The following COPZ1 variants were observed in gnomAD, a reference collection of about 807,000 sequenced individuals.
COPZ1 encodes the protein coat protein complex I subunit zeta 1.
COPZ1 carries 4 observed loss-of-function variants against 31.7 expected under a neutral mutation model. That is an observed-to-expected ratio of 0.13 (90% CI 0.06 to 0.29). COPZ1 has a LOEUF of 0.29. Among genes scored for constraint, COPZ1 ranks in the 10% least tolerant of loss-of-function variants. COPZ1 has a pLI of 1.00. For missense variants in COPZ1, 156 were observed against 211.5 expected, an observed-to-expected ratio of 0.74 and a Z score of 1.63; for synonymous variants, 74 against 79.0, an observed-to-expected ratio of 0.94 and a Z score of 0.33.
In COPZ1 at chr12:54,325,249, A is replaced by G. The variant is rs1024049153; in HGVS notation, c.18+68A>G. ...GGGCCGGGAGTCAGGGTTCAGCCCG[A>G]GTGGGAGACGGGGAAAGAGAGTTCC... On this transcript the variant is annotated intron_variant, in intron 1 of 8. Transcript: ENST00000262061. 5.9e-6 allele frequency: 9 copies of G among 1,522,366 alleles called. No homozygotes were observed. In the African/African-American group the frequency reaches 1.2e-4, roughly 21 times the overall value. 94.3% of individuals were successfully genotyped at this position (1,522,366 alleles called of 1,614,324 possible).
rs183877388 is a variant in COPZ1, at chr12:54,345,055, G to A, written c.262-405G>A. The A allele has an allele frequency of 6.8e-4, 113 of 165,418 alleles. 1 individual carries two copies. Among genetic ancestry groups the A allele is most frequent in the East Asian group, 3.4e-4 (2 of 5,860 alleles). 10.2% of individuals were successfully genotyped at this position (165,418 alleles called of 1,614,324 possible). On this transcript the variant is annotated intron_variant, in intron 4 of 8. Transcript: ENST00000262061. The stretch of plus-strand genomic sequence containing the variant: ...GTCAGAGTCTAGACAGGGTCTAGAC[G>A]TTACAGGTGTGACCCACTGTGCCCA...
At chr12:54,331,849 A>G (rs977239807) in intron 1 of COPZ1, among the ~76,000 whole-genome samples, 3 of 152,082 alleles carry the variant, frequency 2.0e-5, no homozygotes, top group Admixed American at 2.0e-4. Context: ...CTCCTGGATT[A>G]CCAAACTGAG....
At position 54,347,870 on chromosome 12, in the gene COPZ1, T is replaced by G. The variant is rs781265848; in HGVS notation, c.395+26T>G. 26 of 1,611,846 alleles carry G rather than the reference T, an allele frequency of 1.6e-5. No homozygotes were observed. The East Asian group carries it at 5.8e-4, about 36-fold the overall frequency. On this transcript the variant is annotated intron_variant, in intron 6 of 8. Transcript: ENST00000262061. ...GTAAGTTCTCTGACCTGCCTTGATC[T>G]TGGGTGAGGTGGCGGGATAACTGCC... is the stretch of plus-strand genomic sequence containing the variant.
chr12:54,344,259 T>C (rs776100731), intron 4 of COPZ1, among the ~76,000 whole-genome samples: 3 of 151,848 alleles, frequency 2.0e-5, no homozygotes, highest in Non-Finnish European at 4.4e-5. Flanking sequence ...GCGACCAGGC[T>C]GGCCAACATG....
Position 54,325,149 on chromosome 12 carries a change from C to G in COPZ1, c.-15C>G. 6.4e-7 allele frequency: 1 copy of G among 1,562,634 alleles called. No individual in the cohort carries two copies. The highest frequency in any genetic ancestry group is 8.7e-7 in the Non-Finnish European group (1 of 1,153,798). ...TTCTTTTGCGGCTCCACGTCGGCAC[C>G]AGCTGCGGGGCAAGATGGAGGCGCT... On this transcript the variant is annotated 5_prime_UTR_variant, in exon 1 of 9. Transcript: ENST00000262061.
intron 1 of COPZ1, among the ~76,000 whole-genome samples, chr12:54,338,874 C>T (rs192069215): frequency 7.9e-5 from 12 of 152,278 alleles, no homozygotes; most frequent in African/African-American, 2.4e-4. Flanking sequence ...CCTCTGCCCC[C>T]GCAAACAGGG....
chr12:54,350,704 A>C lies in COPZ1; in HGVS notation c.*181A>C. ...CCCTACACCCTTCCTATTCTTTTTC[A>C]TTCTTCTTGCAGTTCTGGGAGTAAA... On this transcript the variant is annotated 3_prime_UTR_variant, in exon 9 of 9. Transcript: ENST00000262061. The C allele has an allele frequency of 1.6e-6, 1 of 610,520 alleles. No individual in the cohort carries two copies. Among genetic ancestry groups the C allele is most frequent in the Non-Finnish European group, 3.0e-6 (1 of 338,320 alleles). 37.8% of individuals were successfully genotyped at this position (610,520 alleles called of 1,614,324 possible). A position where few individuals can be genotyped will look rare whatever the true frequency, so the allele number is the denominator to read the frequency against.
chr12:54,326,961 CTTTTTTTTTTTTTTTTTTTTT>C (rs60827109), intron 1 of COPZ1, among the ~76,000 whole-genome samples: 42 of 43,568 alleles, frequency 9.6e-4, no homozygotes, highest in African/African-American at 2.8e-3. Flanking sequence ...AACAAGTATT[CTTTTTTTTTTTTTTTTTTTTT>C]TTTTTTTTTT....
chr12:54,349,766 C>T, intron 8 of COPZ1, 108 bp downstream of exon 8: 1 of 942,508 alleles, frequency 1.1e-6, no homozygotes, highest in Non-Finnish European at 1.8e-6. Flanking sequence ...ACTCAAGACA[C>T]ATCTTCCTTG....
intron 1 of COPZ1, chr12:54,325,754 T>G (rs1311410701): frequency 6.5e-6 from 1 of 152,780 alleles, no homozygotes; most frequent in Non-Finnish European, 1.5e-5. Flanking sequence ...TGTGGAATAT[T>G]TTTTCTAGAC....
In COPZ1 at chr12:54,342,215, G is replaced by T; in HGVS notation, c.97G>T (p.Asp33Tyr). The T allele has an allele frequency of 6.2e-7, 1 of 1,613,352 alleles. No homozygotes were observed. Among genetic ancestry groups the T allele is most frequent in the Non-Finnish European group, 8.5e-7 (1 of 1,179,416 alleles). The change falls in exon 3 of 9, where the codon GAC (aspartate) becomes TAC (tyrosine). Residue 33 changes from aspartate to tyrosine, a missense_variant. Coordinates refer to ENST00000262061, the MANE Select transcript of COPZ1 (RefSeq NM_016057.3). The stretch of plus-strand genomic sequence containing the variant: ...CTTTCCCTCTGACCAGTACTATGAC[G>T]ACACCTACCCCAGTGTCAAGGAGCA... ...GDRLFAKYYD[D>Y]TYPSVKEQKA... is the part of the protein sequence containing the mutation.
intron 7 of COPZ1, 46 bp downstream of exon 7, chr12:54,348,097 C>G: frequency 1.3e-6 from 2 of 1,588,378 alleles, no homozygotes; most frequent in Admixed American, 1.7e-5. Flanking sequence ...TATTCACAAA[C>G]ACCCTCCAGA....
Position 54,345,454 on chromosome 12 carries a change from C to G in COPZ1, c.262-6C>G, listed in dbSNP as rs2137109815. On this transcript the variant is annotated splice_polypyrimidine_tract_variant and splice_region_variant and intron_variant, in intron 4 of 8. Coordinates refer to ENST00000262061, the MANE Select transcript of COPZ1 (RefSeq NM_016057.3). ...TTATCCTTCTGCCTCCTCTGTTTCCCAACAGCTGATGCTTATGGCTGTTCT... is the reference window on the plus strand; with the variant it reads ...TTATCCTTCTGCCTCCTCTGTTTCCGAACAGCTGATGCTTATGGCTGTTCT... 6.2e-7 allele frequency: 1 copy of G among 1,612,060 alleles called. No homozygotes were observed. The highest frequency in any genetic ancestry group is 8.5e-7 in the Non-Finnish European group (1 of 1,178,272).
At chr12:54,350,288 T>C (rs1323318151) in intron 8 of COPZ1, 188 bp from the exon 9 acceptor site, 1 of 749,596 alleles carries the variant, frequency 1.3e-6, no homozygotes, top group Non-Finnish European at 2.4e-6. Flanking sequence ...GTTTGAATTT[T>C]TTTGGAATTT....
At chr12:54,347,212 A>G (rs1954079224) in intron 5 of COPZ1, among the ~76,000 whole-genome samples, 1 of 152,226 alleles carries the variant, frequency 6.6e-6, no homozygotes, top group South Asian at 2.1e-4. Context: ...CAGATGTGAC[A>G]GGCCACATGC....
intron 2 of COPZ1, among the ~76,000 whole-genome samples, chr12:54,341,632 ATC>A (rs1953975239): frequency 2.6e-5 from 4 of 152,200 alleles, no homozygotes; most frequent in Non-Finnish European, 5.9e-5. Context: ...AGCAGCCTGC[ATC>A]TCCGCCCCCT....
At chr12:54,336,552 C>CT (rs1240935494) in intron 1 of COPZ1, among the ~76,000 whole-genome samples, 1 of 151,450 alleles carries the variant, frequency 6.6e-6, no homozygotes, top group Non-Finnish European at 1.5e-5. Flanking sequence ...AAAAAAAGCT[C>CT]TTATCCAGAG....
intron 2 of COPZ1, among the ~76,000 whole-genome samples, chr12:54,340,929 G>C (rs1293301792): frequency 6.6e-6 from 1 of 152,046 alleles, no homozygotes; most frequent in Non-Finnish European, 1.5e-5. Flanking sequence ...TCAAACTCCT[G>C]ACCTCATGAT....
At chr12:54,331,539 C>T (rs1171512434) in intron 1 of COPZ1, among the ~76,000 whole-genome samples, 1 of 152,076 alleles carries the variant, frequency 6.6e-6, no homozygotes, top group East Asian at 1.9e-4. Flanking sequence ...ATAGCTCGGT[C>T]AACTAATTTT....
Sources: gnomAD v4.1 joint callset for allele counts (sites outside exome capture counted in the v4.1 genomes callset) on GRCh38, gnomAD v4.1.1 for gene constraint, MANE v1.5 for transcripts, NCBI Gene and HGNC (gene_info 2026-07-23, HGNC 2026-07-21) for gene names.